Variants in MYLIP observed in about 807,000 individuals in gnomAD.
The protein encoded by MYLIP is E3 ubiquitin-protein ligase MYLIP.
MYLIP carries 26 observed loss-of-function variants against 45.8 expected under a neutral mutation model. The observed-to-expected ratio is 0.57, with a 90% CI of 0.42 to 0.79. The LOEUF is 0.79. MYLIP is among the 30% of genes least tolerant of loss of function. The pLI is 0.00. For missense variants in MYLIP, 494 were observed against 555.6 expected (o/e 0.89, Z 1.11); for synonymous variants, 213 against 218.1 (o/e 0.98, Z 0.21).
chr6:16,144,835 A>G (rs1014321693), intron 5 of MYLIP, 62 bp from the exon 6 acceptor site: 25 of 1,520,522 alleles, frequency 1.6e-5, no homozygotes, highest in Non-Finnish European at 2.2e-5. Context: ...TATTGACAAC[A>G]GCGAATAAGG....
chr6:16,146,589 G>A (rs1759794746), intron 6 of MYLIP, 73 bp from the exon 7 acceptor site: 2 of 1,126,242 alleles, frequency 1.8e-6, no homozygotes, highest in Non-Finnish European at 2.6e-6. Flanking sequence ...TAGAGACCAG[G>A]GGTGTGCACA....
chr6:16,137,350 T>G (rs1330688926), intron 2 of MYLIP, among the ~76,000 whole-genome samples: 1 of 152,184 alleles, frequency 6.6e-6, no homozygotes, highest in Non-Finnish European at 1.5e-5. Context: ...CACCGTGGGT[T>G]CTGACAAGGT....
the MYLIP span, among the ~76,000 whole-genome samples, chr6:16,156,715 T>C: frequency 1.3e-5 from 2 of 152,226 alleles, no homozygotes; most frequent in African/African-American, 2.4e-5. Context: ...TGATCACATT[T>C]GAATGCAAAT....
intron 5 of MYLIP, 89 bp from the exon 6 acceptor site, chr6:16,144,808 G>A: frequency 3.5e-6 from 5 of 1,428,276 alleles, no homozygotes; most frequent in Non-Finnish European, 3.8e-6. Context: ...TGAAACATCT[G>A]CTGACATTTC....
the MYLIP span, among the ~76,000 whole-genome samples, chr6:16,159,635 C>A: frequency 1.3e-5 from 2 of 152,160 alleles, no homozygotes; most frequent in Non-Finnish European, 2.9e-5. Context: ...CAAAAGGCCA[C>A]CCAAGCTCCC....
the MYLIP span, among the ~76,000 whole-genome samples, chr6:16,160,437 C>T: frequency 6.6e-6 from 1 of 152,114 alleles, no homozygotes; most frequent in East Asian, 1.9e-4. Context: ...CTAAACCAAT[C>T]GGGAATTCGA....
At chr6:16,137,563 A>T (rs556908068) in intron 2 of MYLIP, among the ~76,000 whole-genome samples, 1 of 152,234 alleles carries the variant, frequency 6.6e-6, no homozygotes, top group African/African-American at 2.4e-5. Context: ...GCTCTTAAAA[A>T]TGGTGTAACT....
chr6:16,152,182 G>A (rs2113595609), downstream of MYLIP, among the ~76,000 whole-genome samples: 1 of 152,340 alleles, frequency 6.6e-6, no homozygotes, highest in South Asian at 2.1e-4. Flanking sequence ...AGTTCATGAA[G>A]AGACATGACT....
At position 16,129,725 on chromosome 6, in the gene MYLIP, C is replaced by T. The variant is rs1759418666; in HGVS notation, c.87+316C>T. On this transcript the variant is annotated intron_variant, in intron 1 of 6. Coordinates refer to ENST00000356840, the MANE Select transcript of MYLIP (RefSeq NM_013262.4). This position sits in a 1 kb window ranked among gnomAD's most constrained non-coding sequence, Gnocchi z 5.1. ...TTTCCCGGAAGAAGGCGGCTCCGCA[C>T]ACCTGCCGCAGGTATGTGCGTGATG... is the stretch of plus-strand genomic sequence containing the variant. 6.6e-6 allele frequency among the ~76,000 whole-genome samples: 1 copy of T among 152,236 alleles called. No individual in the cohort carries two copies. The highest frequency in any genetic ancestry group is 2.1e-4 in the South Asian group (1 of 4,836).
intron 5 of MYLIP, 113 bp from the exon 6 acceptor site, chr6:16,144,784 T>C: frequency 8.2e-7 from 1 of 1,212,912 alleles, no homozygotes; most frequent in Non-Finnish European, 1.2e-6. Flanking sequence ...CTTTCATACA[T>C]GCAGACGAGA....
chr6:16,163,403 C>T, the MYLIP span: 14 of 152,240 alleles, frequency 9.2e-5, no homozygotes, highest in South Asian at 2.9e-3. Flanking sequence ...CTTTTGCTAC[C>T]CATAGAGCTA....
At chr6:16,142,329 CCTTT>C (rs1490650483) in intron 3 of MYLIP, among the ~76,000 whole-genome samples, 1 of 152,058 alleles carries the variant, frequency 6.6e-6, no homozygotes, top group Non-Finnish European at 1.5e-5. Flanking sequence ...TAAATCTGTG[CCTTT>C]AAGTACAAAT....
chr6:16,141,768 A>T lies in MYLIP; in HGVS notation c.422A>T (p.Glu141Val). The T allele has an allele frequency of 6.2e-7, 1 of 1,613,952 alleles. No individual in the cohort carries two copies. Among genetic ancestry groups the T allele is most frequent in the South Asian group, 1.1e-5 (1 of 91,056 alleles). The change falls in exon 3 of 7, where the codon GAG becomes GTG. Residue 141 changes from glutamate to valine, a missense_variant. By Grantham distance (121) the Glu-to-Val change is moderately radical (BLOSUM62 -2). Transcript: ENST00000356840. ...CAGAACACTGCCAAGTATAACTATG[A>T]GGAGCTCTGTGCCAAGGAGCTCTCC... ...YNQNTAKYNYEELCAKELSSA... is the reference protein window; with the variant it reads ...YNQNTAKYNYVELCAKELSSA...
chr6:16,161,606 T>G, the MYLIP span, among the ~76,000 whole-genome samples: 1 of 152,226 alleles, frequency 6.6e-6, no homozygotes, highest in African/African-American at 2.4e-5. Context: ...GCTTTGAACC[T>G]ATTTTTTGGC....
At chr6:16,135,274 G>A (rs1016985828) in intron 2 of MYLIP, among the ~76,000 whole-genome samples, 1 of 152,218 alleles carries the variant, frequency 6.6e-6, no homozygotes, top group Non-Finnish European at 1.5e-5. Flanking sequence ...CTAGATTGGT[G>A]TTTGCCTAGG....
chr6:16,135,761 ATATATATATATATATATG>A (rs1561786747), intron 2 of MYLIP, among the ~76,000 whole-genome samples: 23 of 110,632 alleles, frequency 2.1e-4, no homozygotes, highest in Admixed American at 8.3e-4. Context: ...ATATCTATAT[ATATATATATATATATATG>A]TATGCTATAT....
At chr6:16,133,870 G>A (rs1291025675) in intron 2 of MYLIP, among the ~76,000 whole-genome samples, 2 of 152,098 alleles carry the variant, frequency 1.3e-5, no homozygotes, top group Non-Finnish European at 2.9e-5. Context: ...CCCATTCCAA[G>A]AGCTCCGTGA....
chr6:16,142,068 A>G (rs2113552791), intron 3 of MYLIP, among the ~76,000 whole-genome samples: 1 of 152,350 alleles, frequency 6.6e-6, no homozygotes, highest in Middle Eastern at 3.4e-3. Context: ...CCATCAGGAC[A>G]GAGGGAGCAG....
chr6:16,159,252 T>A, the MYLIP span, among the ~76,000 whole-genome samples: 1 of 152,192 alleles, frequency 6.6e-6, no homozygotes, highest in East Asian at 1.9e-4. Context: ...TAAAGCATCG[T>A]GAGGAGTGGG....
Sources: allele counts gnomAD v4.1 joint callset (sites outside exome capture counted in the v4.1 genomes callset), GRCh38; gene constraint gnomAD v4.1.1; non-coding constraint Gnocchi (gnomAD v3.1); transcripts MANE v1.5; gene names NCBI Gene and HGNC (gene_info 2026-07-23, HGNC 2026-07-21).